The following ZFC3H1 variants were observed in gnomAD, a reference collection of about 807,000 sequenced individuals.
The protein encoded by ZFC3H1 is zinc finger C3H1 domain-containing protein.
Under a neutral mutation model 243.7 loss-of-function variants are expected in ZFC3H1, and 71 were observed. The observed-to-expected ratio is 0.29, with a 90% CI of 0.24 to 0.36. The LOEUF (loss-of-function observed/expected upper bound fraction) is 0.36. Among genes scored for constraint, ZFC3H1 ranks in the 10% least tolerant of loss-of-function variants. The probability of loss-of-function intolerance (pLI) is 1.00; values close to 1 mark genes in which losing one functional copy is unlikely to be tolerated. For missense variants in ZFC3H1, 1,966 were observed against 2,317.1 expected, an observed-to-expected ratio of 0.85 and a Z score of 3.11; for synonymous variants, 838 against 813.0, an observed-to-expected ratio of 1.03 and a Z score of -0.52.
rs1555179425 is a variant in ZFC3H1 at position 71,626,209 on chromosome 12, T to TATACAC, written c.4317+50_4317+51insGTGTAT. ...ATTTTTAAGATGATCCAAATAATTA[T>TATACAC]ACACACACACACACACACACACACA... On this transcript the variant is annotated intron_variant, in intron 22 of 34. Transcript: ENST00000378743. The TATACAC allele has an allele frequency of 1.4e-5, 15 of 1,089,476 alleles. No individual in the cohort carries two copies. The Admixed American group carries it at 3.6e-4, about 26-fold the overall frequency. The allele number at this position is 1,089,476 out of a possible 1,614,324, so 67.5% of individuals were successfully genotyped here. A position where few individuals can be genotyped will look rare whatever the true frequency, so the allele number is the denominator to read the frequency against.
rs778285171 is a variant in ZFC3H1 at position 71,614,489 on chromosome 12, CTT to C, written c.5526+44_5526+45del. 4 of 1,505,970 alleles carry C rather than the reference CTT, an allele frequency of 2.7e-6. No individual in the cohort carries two copies. The South Asian group carries it at 5.5e-5, about 21-fold the overall frequency. 93.3% of individuals were successfully genotyped at this position (1,505,970 alleles called of 1,614,324 possible). ...AGTTTTGCTATCATTTTTAAAGTCTCTTTGTTTTACACAAATATCTAAAGAAA... is the reference window on the plus strand; with the variant it reads ...AGTTTTGCTATCATTTTTAAAGTCTCTGTTTTACACAAATATCTAAAGAAA... On this transcript the variant is annotated intron_variant, in intron 30 of 34. Coordinates refer to ENST00000378743, the MANE Select transcript of ZFC3H1 (RefSeq NM_144982.5).
intron 2 of ZFC3H1, among the ~76,000 whole-genome samples, chr12:71,650,883 G>A (rs1162885912): frequency 6.6e-6 from 1 of 152,168 alleles, no homozygotes; most frequent in African/African-American, 2.4e-5. Flanking sequence ...ACAAGGCTCT[G>A]TCTATAAGAT....
Position 71,644,883 on chromosome 12 carries a change from T to G in ZFC3H1, c.1273A>C (p.Thr425Pro). Reference protein sequence around the residue: ...TKTHSAKKVSTTAKQALRKQQ... With the variant: ...TKTHSAKKVSPTAKQALRKQQ... ...ATTTAATAAAAATGATCACCTGTAGTGCTAACTTTTTTGGCCGAATGTGTT... is the reference window on the plus strand; with the variant it reads ...ATTTAATAAAAATGATCACCTGTAGGGCTAACTTTTTTGGCCGAATGTGTT... Residue 425 changes from threonine (T) to proline (P), a missense_variant, in exon 4 of 35, where the codon ACT becomes CCT. By Grantham distance (38) the Thr-to-Pro change is conservative. Transcript: ENST00000378743. 1 of 1,611,084 alleles carries G rather than the reference T, an allele frequency of 6.2e-7. No homozygotes were observed. The highest frequency in any genetic ancestry group is 8.5e-7 in the Non-Finnish European group (1 of 1,179,724).
At chr12:71,647,599 ATT>A in intron 3 of ZFC3H1, 148 bp downstream of exon 3, 2 of 493,772 alleles carry the variant, frequency 4.1e-6, no homozygotes, top group Non-Finnish European at 7.1e-6. Flanking sequence ...TCGATCCAGA[ATT>A]TCTTTAAGGC....
rs752824592 is a variant in ZFC3H1 at position 71,624,307 on chromosome 12, T to C, written c.4318-15A>G. 1.3e-6 allele frequency: 2 copies of C among 1,569,606 alleles called. No homozygotes were observed. Among genetic ancestry groups the C allele is most frequent in the African/African-American group, 2.7e-5 (2 of 73,006 alleles). ...AGGTGTAGAAACTGCCCAAAGGGCCTTTATATTATTAATGTTGCCTTTCAG... is the reference window on the plus strand; with the variant it reads ...AGGTGTAGAAACTGCCCAAAGGGCCCTTATATTATTAATGTTGCCTTTCAG... On this transcript the variant is annotated splice_polypyrimidine_tract_variant and intron_variant, in intron 22 of 34. Coordinates refer to ENST00000378743, the MANE Select transcript of ZFC3H1 (RefSeq NM_144982.5).
chr12:71,656,383 T>C, intron 2 of ZFC3H1: 1 of 502,532 alleles, frequency 2.0e-6, no homozygotes. Context: ...AACGCAAGCA[T>C]ACAAGGGTGG....
chr12:71,644,272 T>G lies in ZFC3H1; in HGVS notation c.1326A>C (p.Leu442=). The G allele has an allele frequency of 6.2e-7, 1 of 1,613,434 alleles. No homozygotes were observed. The highest frequency in any genetic ancestry group is 8.5e-7 in the Non-Finnish European group (1 of 1,179,698). The change falls in exon 5 of 35, where the codon CTA becomes CTC. Residue 442 remains leucine, a synonymous_variant. Coordinates refer to ENST00000378743, the MANE Select transcript of ZFC3H1 (RefSeq NM_144982.5). ...GTCTTTCCTGCTCTTTTTGTTGTTG[T>G]AGTTTCTTCCATGCCTTTGTTTGCT... The part of the protein sequence containing the change: ...RKQQTKAWKK[L]QQQKEQERQK...
In ZFC3H1 at chr12:71,623,404, T is replaced by C. The variant is rs901385020; in HGVS notation, c.4700A>G (p.Gln1567Arg). The C allele has an allele frequency of 1.2e-6, 2 of 1,613,576 alleles. No individual in the cohort carries two copies. The highest frequency in any genetic ancestry group is 1.7e-6 in the Non-Finnish European group (2 of 1,179,798). ...CATGTCAGGATTAGTCTTTACATCT[T>C]GAACAGCTTGCCATGGCATTACAAA... ...ESFVMPWQAV[Q>R]DVKTNPDMLL... Residue 1567 changes from glutamine (Q) to arginine (R), a missense_variant, in exon 24 of 35, where the codon CAA (glutamine) becomes CGA (arginine). By Grantham distance (43) the Gln-to-Arg change is conservative (BLOSUM62 1). Around this residue, in one of 4 missense-constraint regions of ZFC3H1, gnomAD observed 1,383 missense variants for 1,723.7 expected, o/e 0.80. Coordinates refer to ENST00000378743, the MANE Select transcript of ZFC3H1 (RefSeq NM_144982.5).
Position 71,615,255 on chromosome 12 carries a change from C to T in ZFC3H1, c.5206G>A (p.Asp1736Asn), listed in dbSNP as rs1295412381. 1.2e-6 allele frequency: 2 copies of T among 1,613,554 alleles called. No homozygotes were observed. The highest frequency in any genetic ancestry group is 2.7e-5 in the African/African-American group (2 of 74,942). Residue 1736 changes from aspartate (D) to asparagine (N), a missense_variant, in exon 28 of 35, where the codon GAT (aspartate) becomes AAT (asparagine). By Grantham distance (23) the Asp-to-Asn change is conservative. Coordinates refer to ENST00000378743, the MANE Select transcript of ZFC3H1 (RefSeq NM_144982.5). ...IPSRLCKGNF[D>N]DDMFNHQVPY... Reference sequence around the variant, plus strand: ...ACTTGGTGGTTAAACATATCATCATCAAAATTCCCTTTACATAAACGAGAT... The same window carrying T: ...ACTTGGTGGTTAAACATATCATCATTAAAATTCCCTTTACATAAACGAGAT...
intron 24 of ZFC3H1, 59 bp from the exon 25 acceptor site, chr12:71,620,374 CTG>C: frequency 1.3e-6 from 2 of 1,558,898 alleles, no homozygotes; most frequent in Non-Finnish European, 1.8e-6. Flanking sequence ...AAATATTTGA[CTG>C]TGTTACTTCA....
At chr12:71,651,282 CT>C (rs1157927931) in intron 2 of ZFC3H1, among the ~76,000 whole-genome samples, 1 of 152,180 alleles carries the variant, frequency 6.6e-6, no homozygotes, top group Admixed American at 6.5e-5. Context: ...TCTTCAAAGT[CT>C]TTCTTTAAAT....
chr12:71,626,233 C>G (rs1410717664), intron 22 of ZFC3H1, 27 bp downstream of exon 22: 1 of 1,609,880 alleles, frequency 6.2e-7, no homozygotes, highest in Non-Finnish European at 8.5e-7. Context: ...CACACACACA[C>G]ACACGTACGT....
chr12:71,640,711 C>A (rs906677425), intron 6 of ZFC3H1, among the ~76,000 whole-genome samples: 1 of 152,152 alleles, frequency 6.6e-6, no homozygotes, highest in Non-Finnish European at 1.5e-5. Flanking sequence ...GGGCAGCTGC[C>A]GGGACCACCC....
intron 18 of ZFC3H1, among the ~76,000 whole-genome samples, chr12:71,630,363 T>A (rs1290350688): frequency 1.3e-5 from 2 of 152,218 alleles, no homozygotes; most frequent in African/African-American, 2.4e-5. Context: ...AAATCTGTGC[T>A]GTCCTACTGG....
intron 2 of ZFC3H1, among the ~76,000 whole-genome samples, chr12:71,656,133 G>A (rs1881011760): frequency 6.6e-6 from 1 of 152,186 alleles, no homozygotes; most frequent in Non-Finnish European, 1.5e-5. Flanking sequence ...TGAGGGACGG[G>A]ATAACTACAA....
rs1296569186 is a variant in ZFC3H1, at chr12:71,631,868, T to A, written c.3380A>T (p.Asp1127Val). ...TGTTTTACTTTGTGCTGTGACAAAA[T>A]CCACATCTACAGAAATCTCCTGCAA... ...LHGQEISVDVDFVTAQSKTME... is the reference protein window; with the variant it reads ...LHGQEISVDVVFVTAQSKTME... The change falls in exon 16 of 35, where the codon GAT becomes GTT. Residue 1127 changes from aspartate (D) to valine (V), a missense_variant. Around this residue, in one of 4 missense-constraint regions of ZFC3H1, gnomAD observed 1,383 missense variants for 1,723.7 expected, o/e 0.80. Transcript: ENST00000378743. 1 of 1,613,584 alleles carries A rather than the reference T, an allele frequency of 6.2e-7. No individual in the cohort carries two copies. The highest frequency in any genetic ancestry group is 2.2e-5 in the East Asian group (1 of 44,820).
chr12:71,662,338 C>T (rs1444315115), intron 1 of ZFC3H1, among the ~76,000 whole-genome samples: 2 of 152,212 alleles, frequency 1.3e-5, no homozygotes, highest in Non-Finnish European at 2.9e-5. Context: ...TTATCTTTCT[C>T]TCTCTGGCCC....
intron 33 of ZFC3H1, 56 bp downstream of exon 33, chr12:71,611,000 CAA>C: frequency 3.2e-6 from 5 of 1,558,426 alleles, no homozygotes; most frequent in Non-Finnish European, 2.6e-6. Flanking sequence ...GAGAAGTCAA[CAA>C]AAGAGACAGA....
At chr12:71,625,649 T>G (rs1386468077) in intron 22 of ZFC3H1, among the ~76,000 whole-genome samples, 1 of 152,004 alleles carries the variant, frequency 6.6e-6, no homozygotes, top group Non-Finnish European at 1.5e-5. Context: ...ACGACTGCAC[T>G]ACTGCACTCC....
Sources: allele counts gnomAD v4.1 joint callset (sites outside exome capture counted in the v4.1 genomes callset), GRCh38; gene constraint gnomAD v4.1.1; regional missense constraint gnomAD v4.1.1; transcripts MANE v1.5; gene names NCBI Gene and HGNC (gene_info 2026-07-23, HGNC 2026-07-21).